Variants in SCNN1G observed in about 807,000 individuals in gnomAD.
SCNN1G encodes the protein epithelial sodium channel subunit gamma.
SCNN1G carries 27 observed loss-of-function variants against 64.6 expected under a neutral mutation model. The ratio of observed to expected loss-of-function variants is 0.42; its 90% CI spans 0.31 to 0.58. The LOEUF (loss-of-function observed/expected upper bound fraction) is 0.58, where lower values mean the gene tolerates loss of function less well. Ranked by LOEUF, SCNN1G falls within the 20% of genes least tolerant of loss-of-function variation. SCNN1G has a pLI of 0.18. For missense variants in SCNN1G, 743 were observed against 823.4 expected (o/e 0.90, Z 1.19); for synonymous variants, 330 against 314.2 (o/e 1.05, Z -0.53).
At chr16:23,193,988 C>T (rs1959753990) in intron 4 of SCNN1G, among the ~76,000 whole-genome samples, 183 bp from the exon 5 acceptor site, 1 of 152,074 alleles carries the variant, frequency 6.6e-6, no homozygotes, top group Non-Finnish European at 1.5e-5. Flanking sequence ...GTTCTATGTC[C>T]ATGTGTGTCA....
chr16:23,200,169 T>C (rs1366192125), intron 6 of SCNN1G, among the ~76,000 whole-genome samples: 2 of 152,212 alleles, frequency 1.3e-5, no homozygotes, highest in African/African-American at 2.4e-5. Flanking sequence ...TCAAAGCCAC[T>C]GAATCAGAAT....
Position 23,186,494 on chromosome 16 carries a change from G to T in SCNN1G, c.223G>T (p.Val75Phe). Residue 75 changes from valine to phenylalanine, a missense_variant, in exon 2 of 13, where the codon GTC becomes TTC. Transcript: ENST00000300061. ...ALILWQCALLVFSFYTVSVSI... is the reference protein window; with the variant it reads ...ALILWQCALLFFSFYTVSVSI... ...CATCCTCTGGCAGTGCGCCCTCCTCGTCTTCTCCTTCTATACTGTCTCAGT... is the reference window on the plus strand; with the variant it reads ...CATCCTCTGGCAGTGCGCCCTCCTCTTCTTCTCCTTCTATACTGTCTCAGT... 1 of 1,614,000 alleles carries T rather than the reference G, an allele frequency of 6.2e-7. No homozygotes were observed. The highest frequency in any genetic ancestry group is 8.5e-7 in the Non-Finnish European group (1 of 1,180,020).
In SCNN1G at chr16:23,197,209, C is replaced by T. The variant is rs1959809305; in HGVS notation, c.914-55C>T. 2.2e-5 allele frequency: 32 copies of T among 1,487,160 alleles called. 1 individual carries two copies. In the South Asian group the frequency reaches 3.6e-4, roughly 17 times the overall value. 92.1% of individuals were successfully genotyped at this position (1,487,160 alleles called of 1,614,324 possible). On this transcript the variant is annotated intron_variant, in intron 5 of 12. Transcript: ENST00000300061. ...TGAAGCAGTGGGAGAGGTGGTTTAC[C>T]CCCAGGAAATGTTTTCCTAGCCTTG...
intron 3 of SCNN1G, 138 bp from the exon 4 acceptor site, chr16:23,192,213 GA>G (rs1433205596): frequency 1.3e-6 from 1 of 747,364 alleles, no homozygotes; most frequent in Non-Finnish European, 2.4e-6. Flanking sequence ...GAAGTGAGAG[GA>G]AACCCATCCT....
Position 23,212,886 on chromosome 16 carries a change from G to T in SCNN1G, c.1423G>T (p.Val475Phe), listed in dbSNP as rs780548455. ...AAGCCTGGCACAATGGCCATCTGTG[G>T]TTTCGGAGGTAAGTTCTTCTGCCCA... is the stretch of plus-strand genomic sequence containing the variant. Reference protein sequence around the residue: ...TTSLAQWPSVVSEKWLLPVLT... With the variant: ...TTSLAQWPSVFSEKWLLPVLT... Residue 475 changes from valine to phenylalanine, a missense_variant, in exon 10 of 13, where the codon GTT becomes TTT. Coordinates refer to ENST00000300061, the MANE Select transcript of SCNN1G (RefSeq NM_001039.4). 1 of 1,614,002 alleles carries T rather than the reference G, an allele frequency of 6.2e-7. No homozygotes were observed. The highest frequency in any genetic ancestry group is 8.5e-7 in the Non-Finnish European group (1 of 1,180,024).
chr16:23,186,445 G>T lies in SCNN1G; in HGVS notation c.174G>T (p.Gly58=). 1.2e-6 allele frequency: 2 copies of T among 1,614,204 alleles called. No homozygotes were observed. The highest frequency in any genetic ancestry group is 8.5e-7 in the Non-Finnish European group (1 of 1,180,046). ...RGRLRRLLWI[G]FTLTAVALIL... ...GTCTGCGCCGCCTCCTCTGGATCGG[G>T]TTCACACTGACTGCCGTGGCCCTCA... Residue 58 remains glycine, a synonymous_variant, in exon 2 of 13, where the codon GGG becomes GGT. Coordinates refer to ENST00000300061, the MANE Select transcript of SCNN1G (RefSeq NM_001039.4).
At chr16:23,201,742 G>T (rs1959893100) in intron 6 of SCNN1G, among the ~76,000 whole-genome samples, 1 of 152,188 alleles carries the variant, frequency 6.6e-6, no homozygotes, top group African/African-American at 2.4e-5. Context: ...CCAAAGCACT[G>T]AATATTAAAA....
At chr16:23,198,575 G>A (rs1252344331) in intron 6 of SCNN1G, among the ~76,000 whole-genome samples, 16 of 146,530 alleles carry the variant, frequency 1.1e-4, no homozygotes, top group African/African-American at 3.5e-4. Flanking sequence ...TACCAAAAAC[G>A]AAATACAAAA....
At chr16:23,208,018 G>A (rs1239562126) in intron 6 of SCNN1G, among the ~76,000 whole-genome samples, 1 of 152,146 alleles carries the variant, frequency 6.6e-6, no homozygotes, top group Admixed American at 6.5e-5. Flanking sequence ...GATGCACACA[G>A]CACACAAACA....
intron 11 of SCNN1G, 31 bp downstream of exon 11, chr16:23,213,194 C>CT (rs750030514): frequency 1.5e-5 from 23 of 1,514,992 alleles, no homozygotes; most frequent in Non-Finnish European, 2.0e-5. Flanking sequence ...TCCTCTGTCT[C>CT]TTCCCACCAC....
At position 23,215,255 on chromosome 16, in the gene SCNN1G, C is replaced by T; in HGVS notation, c.1736C>T (p.Pro579Leu). The part of the protein sequence containing the change: ...AKEWWAWKQA[P>L]PCPEAPRSPQ... Reference sequence around the variant, plus strand: ...GAGTGGTGGGCCTGGAAACAGGCTCCCCCATGTCCAGAAGCTCCCCGTAGC... The same window carrying T: ...GAGTGGTGGGCCTGGAAACAGGCTCTCCCATGTCCAGAAGCTCCCCGTAGC... The change falls in exon 13 of 13, where the codon CCC becomes CTC. Residue 579 changes from proline (P) to leucine (L), a missense_variant. Pro to Leu is a moderately conservative substitution (Grantham distance 98, BLOSUM62 -3). Transcript: ENST00000300061. The T allele has an allele frequency of 6.2e-7, 1 of 1,614,180 alleles. No individual in the cohort carries two copies. Among genetic ancestry groups the T allele is most frequent in the Non-Finnish European group, 8.5e-7 (1 of 1,180,036 alleles).
Position 23,215,452 on chromosome 16 carries a change from A to T in SCNN1G, c.1933A>T (p.Met645Leu). The T allele has an allele frequency of 6.2e-7, 1 of 1,611,260 alleles. No individual in the cohort carries two copies. Among genetic ancestry groups the T allele is most frequent in the Non-Finnish European group, 8.5e-7 (1 of 1,180,022 alleles). The part of the protein sequence containing the change: ...AFSNQLTDTQ[M>L]LDEL ...TTCCAACCAGCTCACAGATACCCAG[A>T]TGCTGGATGAGCTCTGAGGCAGGGT... The change falls in exon 13 of 13, where the codon ATG becomes TTG. Residue 645 changes from methionine to leucine, a missense_variant. By Grantham distance (15) the Met-to-Leu change is conservative. Transcript: ENST00000300061.
Position 23,186,226 on chromosome 16 carries a change from A to G in SCNN1G, c.-44-2A>G, listed in dbSNP as rs1346179259. 3.5e-5 allele frequency: 56 copies of G among 1,598,744 alleles called. 1 individual carries two copies. Among genetic ancestry groups the G allele is most frequent in the Non-Finnish European group, 4.8e-5 (56 of 1,166,460 alleles). On this transcript the variant is annotated splice_acceptor_variant, in intron 1 of 12. Transcript: ENST00000300061. LOFTEE classifies it low-confidence loss of function (5UTR_SPLICE). ...ACCTGCTTCTCTTCTTTGCCCCTCC[A>G]GCACGCCCGTCCTCAGAGTCCCGTC...
rs948537641 is a variant in SCNN1G, at chr16:23,206,856, C to T, written c.1078-2894C>T. Among the ~76,000 whole-genome samples, 42 of 152,156 alleles carry T rather than the reference C, an allele frequency of 2.8e-4. 1 individual carries two copies. Among genetic ancestry groups the T allele is most frequent in the Non-Finnish European group, 1.5e-5 (1 of 68,032 alleles). On this transcript the variant is annotated intron_variant, in intron 6 of 12. Transcript: ENST00000300061. Reference sequence around the variant, plus strand: ...GCATAGATACACATACAAACTCACACATATGCACACATATACACACTCTTT... The same window carrying T: ...GCATAGATACACATACAAACTCACATATATGCACACATATACACACTCTTT...
intron 5 of SCNN1G, chr16:23,195,792 C>T (rs1161418330): frequency 4.6e-5 from 7 of 151,964 alleles, no homozygotes; most frequent in African/African-American, 1.7e-4. Flanking sequence ...GTTTACAAAT[C>T]GTTTGCAATT....
At chr16:23,189,750 T>C (rs1353696714) in intron 3 of SCNN1G, 79 bp downstream of exon 3, 3 of 1,338,728 alleles carry the variant, frequency 2.2e-6, no homozygotes, top group Non-Finnish European at 3.2e-6. Flanking sequence ...CCTTGACCAC[T>C]AGCCCCTGTG....
At position 23,214,748 on chromosome 16, in the gene SCNN1G, C is replaced by T; in HGVS notation, c.1530C>T (p.Asp510=). 1 of 1,614,140 alleles carries T rather than the reference C, an allele frequency of 6.2e-7. No individual in the cohort carries two copies. The highest frequency in any genetic ancestry group is 8.5e-7 in the Non-Finnish European group (1 of 1,180,012). Residue 510 remains aspartate, a synonymous_variant, in exon 12 of 13, where the codon GAC becomes GAT. Coordinates refer to ENST00000300061, the MANE Select transcript of SCNN1G (RefSeq NM_001039.4). ...CCAAACTCTTGATATTCTACAAAGACCTGAACCAGAGATCCATCATGGAGA... is the reference window on the plus strand; with the variant it reads ...CCAAACTCTTGATATTCTACAAAGATCTGAACCAGAGATCCATCATGGAGA... ...DLAKLLIFYK[D]LNQRSIMESP... is the part of the protein sequence containing the mutation.
chr16:23,198,910 C>G (rs1369227321), intron 6 of SCNN1G, among the ~76,000 whole-genome samples: 1 of 151,920 alleles, frequency 6.6e-6, no homozygotes, highest in African/African-American at 2.4e-5. Flanking sequence ...TAAAATTAGC[C>G]AGGCATGCTG....
intron 8 of SCNN1G, 99 bp from the exon 9 acceptor site, chr16:23,212,579 A>C: frequency 1.1e-6 from 1 of 907,226 alleles, no homozygotes; most frequent in South Asian, 1.3e-5. Flanking sequence ...AGGAGAAATC[A>C]TTAAAATGAG....
Sources: allele counts gnomAD v4.1 joint callset (sites outside exome capture counted in the v4.1 genomes callset), GRCh38; gene constraint gnomAD v4.1.1; transcripts MANE v1.5; gene names NCBI Gene and HGNC (gene_info 2026-07-23, HGNC 2026-07-21).